ARHGAP6: variants seen among roughly 807,000 people sequenced by gnomAD.
ARHGAP6 encodes rho GTPase-activating protein 6.
ARHGAP6 carries 16 observed loss-of-function variants against 55.7 expected under a neutral mutation model. The observed-to-expected ratio is 0.29, with a 90% CI of 0.19 to 0.44. The LOEUF (loss-of-function observed/expected upper bound fraction) is 0.44. Ranked by LOEUF, ARHGAP6 falls within the 20% of genes least tolerant of loss-of-function variation. The probability of loss-of-function intolerance (pLI) is 1.00; values close to 1 mark genes in which losing one functional copy is unlikely to be tolerated. For missense variants in ARHGAP6, 698 were observed against 808.9 expected (o/e 0.86, Z 1.66); for synonymous variants, 382 against 360.9 (o/e 1.06, Z -0.66).
chrX:11,360,653 C>T (rs1006987401), intron 1 of ARHGAP6, among the ~76,000 whole-genome samples: 2 of 108,010 alleles, frequency 1.9e-5, no homozygotes, highest in Non-Finnish European at 3.8e-5. Context: ...GAAGTTCTGG[C>T]CAGGGCAATT....
chrX:11,593,697 A>C (rs1314152439), intron 1 of ARHGAP6, among the ~76,000 whole-genome samples: 1 of 111,859 alleles, frequency 8.9e-6, no homozygotes, highest in Non-Finnish European at 1.9e-5. Context: ...CAGGGGATGT[A>C]TGGGAACTCT....
intron 5 of ARHGAP6, 58 bp downstream of exon 5, chrX:11,186,178 T>C (rs1052094778): frequency 9.4e-7 from 1 of 1,068,590 alleles, no homozygotes; most frequent in Non-Finnish European, 1.3e-6. Flanking sequence ...GGTACTTCAG[T>C]GAATGATGCT....
intron 1 of ARHGAP6, among the ~76,000 whole-genome samples, chrX:11,567,007 A>C (rs5935109): frequency 8.9e-6 from 1 of 112,119 alleles, no homozygotes; most frequent in Admixed American, 9.5e-5. Context: ...AACAATGCCC[A>C]CATCATCACA....
At chrX:11,634,720 G>A (rs768531244) in intron 1 of ARHGAP6, among the ~76,000 whole-genome samples, 6 of 111,963 alleles carry the variant, frequency 5.4e-5, no homozygotes, top group Non-Finnish European at 1.1e-4. Context: ...AAGTAAAAAT[G>A]CTATTAAACT....
intron 1 of ARHGAP6, among the ~76,000 whole-genome samples, chrX:11,287,616 C>T (rs940993414): frequency 1.8e-5 from 2 of 111,991 alleles, no homozygotes; most frequent in Non-Finnish European, 3.8e-5. Flanking sequence ...CTGTTCCCAA[C>T]AGCCCATCTG....
At chrX:11,566,036 T>A (rs766344450) in intron 1 of ARHGAP6, among the ~76,000 whole-genome samples, 1 of 112,505 alleles carries the variant, frequency 8.9e-6, no homozygotes, top group South Asian at 3.7e-4. Context: ...ACATTTGAGA[T>A]AGTGATGCAC....
At chrX:11,337,304 T>C (rs1386777167) in intron 1 of ARHGAP6, among the ~76,000 whole-genome samples, 1 of 111,711 alleles carries the variant, frequency 9.0e-6, no homozygotes, top group Admixed American at 9.5e-5. Flanking sequence ...CACCTAGCAA[T>C]GATCAGTTTT....
intron 1 of ARHGAP6, among the ~76,000 whole-genome samples, chrX:11,412,905 C>A (rs935172758): frequency 8.9e-6 from 1 of 112,413 alleles, no homozygotes; most frequent in African/African-American, 3.2e-5. Context: ...CTAGATAAAT[C>A]CTGTTTCAAT....
At chrX:11,540,608 GA>G (rs777278120) in intron 1 of ARHGAP6, among the ~76,000 whole-genome samples, 22 of 111,793 alleles carry the variant, frequency 2.0e-4, no homozygotes, top group Non-Finnish European at 1.7e-4. Context: ...CTCCAAAGGT[GA>G]CCAACTCCTA....
chrX:11,202,477 A>C (rs1202179561), intron 2 of ARHGAP6, among the ~76,000 whole-genome samples: 1 of 111,327 alleles, frequency 9.0e-6, no homozygotes, highest in Admixed American at 9.6e-5. Context: ...ACAACACTAA[A>C]GAATACAGGT....
intron 1 of ARHGAP6, among the ~76,000 whole-genome samples, chrX:11,286,914 G>A (rs1261865024): frequency 1.8e-5 from 2 of 112,033 alleles, no homozygotes; most frequent in Non-Finnish European, 3.8e-5. Context: ...AAGGGGAGGA[G>A]AATGGGAATT....
At chrX:11,493,212 A>G (rs2050589216) in intron 1 of ARHGAP6, among the ~76,000 whole-genome samples, 1 of 112,620 alleles carries the variant, frequency 8.9e-6, no homozygotes, top group Admixed American at 9.4e-5. Context: ...GTGTCTGTAT[A>G]TGCACTGAAA....
intron 1 of ARHGAP6, among the ~76,000 whole-genome samples, chrX:11,466,031 A>G (rs1346376141): frequency 9.1e-6 from 1 of 110,140 alleles, no homozygotes; most frequent in Non-Finnish European, 1.9e-5. Context: ...TCCGAGGCCC[A>G]GTTCAGATGT....
Position 11,337,438 on chromosome X carries a change from C to T in ARHGAP6, c.589-82731G>A, listed in dbSNP as rs1443700860. ...GAGCTATCTCCACCCTTTACTCTGTCCCACTTTCTCCACTGATGATATGTG... is the reference window on the plus strand; with the variant it reads ...GAGCTATCTCCACCCTTTACTCTGTTCCACTTTCTCCACTGATGATATGTG... On this transcript the variant is annotated intron_variant, in intron 1 of 12. Transcript: ENST00000337414. Among the ~76,000 whole-genome samples, 3 of 111,854 alleles carry T rather than the reference C, an allele frequency of 2.7e-5. No individual in the cohort carries two copies. The East Asian group carries it at 8.3e-4, about 31-fold the overall frequency.
At chrX:11,553,828 A>G (rs1569395495) in intron 1 of ARHGAP6, among the ~76,000 whole-genome samples, 1 of 112,032 alleles carries the variant, frequency 8.9e-6, no homozygotes, top group Non-Finnish European at 1.9e-5. Flanking sequence ...GGTTTCAACT[A>G]GCAAGTAACT....
At chrX:11,329,997 C>G (rs920620545) in intron 1 of ARHGAP6, among the ~76,000 whole-genome samples, 2 of 113,166 alleles carry the variant, frequency 1.8e-5, no homozygotes, top group African/African-American at 6.4e-5. Flanking sequence ...TCATTTGTAA[C>G]ATGACTGCAT....
At chrX:11,423,998 T>C (rs959639650) in intron 1 of ARHGAP6, among the ~76,000 whole-genome samples, 7 of 112,502 alleles carry the variant, frequency 6.2e-5, no homozygotes, top group Non-Finnish European at 1.3e-4. Flanking sequence ...ATACTTAAAT[T>C]TTTAGTTTTT....
At chrX:11,427,727 G>A (rs1289924890) in intron 1 of ARHGAP6, 9 of 773,553 alleles carry the variant, frequency 1.2e-5, no homozygotes, top group Non-Finnish European at 1.4e-5. Flanking sequence ...GCCGAGTGCT[G>A]TGCAAAGCGC....
At chrX:11,485,025 AAAC>A (rs762848156) in intron 1 of ARHGAP6, among the ~76,000 whole-genome samples, 5 of 109,681 alleles carry the variant, frequency 4.6e-5, no homozygotes, top group East Asian at 2.8e-4. Context: ...GAAAACAAAC[AAAC>A]AACAACAACA....
Sources: allele counts gnomAD v4.1 joint callset (sites outside exome capture counted in the v4.1 genomes callset), GRCh38; gene constraint gnomAD v4.1.1; transcripts MANE v1.5; gene names NCBI Gene and HGNC (gene_info 2026-07-23, HGNC 2026-07-21).